Variants in TEX11 observed in about 807,000 individuals in gnomAD.
The protein encoded by TEX11 is testis expressed 11.
TEX11 carries 7 observed loss-of-function variants against 84.4 expected under a neutral mutation model. The ratio of observed to expected loss-of-function variants is 0.08; its 90% CI spans 0.05 to 0.16. The LOEUF (loss-of-function observed/expected upper bound fraction) is 0.16. Ranked by LOEUF, TEX11 falls within the 10% of genes least tolerant of loss-of-function variation. The pLI is 1.00. For synonymous variants in TEX11, 264 were observed against 222.8 expected (o/e 1.18, Z -1.64); for missense variants, 551 against 660.5 (o/e 0.83, Z 1.82).
intron 20 of TEX11, among the ~76,000 whole-genome samples, chrX:70,611,553 A>T (rs936370724): frequency 8.0e-5 from 9 of 111,933 alleles, no homozygotes; most frequent in African/African-American, 2.9e-4. Flanking sequence ...TGAATATTGG[A>T]GCAAAATCTC....
At chrX:70,898,726 C>T (rs1308252554) in intron 2 of TEX11, among the ~76,000 whole-genome samples, 1 of 109,744 alleles carries the variant, frequency 9.1e-6, no homozygotes, top group African/African-American at 3.3e-5. Context: ...CTGCCTCAGC[C>T]TCCCGAGTAG....
intron 2 of TEX11, among the ~76,000 whole-genome samples, chrX:70,896,000 G>A (rs758984502): frequency 5.4e-5 from 6 of 112,121 alleles, no homozygotes; most frequent in African/African-American, 1.6e-4. Context: ...GCAATGGCAA[G>A]AAAAGCCAAA....
At chrX:70,837,360 A>AC (rs1693562228) in intron 7 of TEX11, among the ~76,000 whole-genome samples, 1 of 111,030 alleles carries the variant, frequency 9.0e-6, no homozygotes, top group African/African-American at 3.3e-5. Context: ...GGAGTTTGAA[A>AC]CCAGCCTGGC....
At chrX:70,581,247 C>T (rs1478853694) in intron 25 of TEX11, among the ~76,000 whole-genome samples, 2 of 104,112 alleles carry the variant, frequency 1.9e-5, no homozygotes, top group Non-Finnish European at 3.9e-5. Flanking sequence ...CTCAAGCAAT[C>T]TCCCTACCTT....
intron 9 of TEX11, among the ~76,000 whole-genome samples, chrX:70,749,619 T>A (rs2090797659): frequency 1.0e-5 from 1 of 100,382 alleles, no homozygotes; most frequent in South Asian, 5.1e-4. Context: ...TTATTGAGAG[T>A]TTTTAGCATG....
At chrX:70,854,707 GC>G (rs2091525906) in intron 5 of TEX11, among the ~76,000 whole-genome samples, 1 of 107,094 alleles carries the variant, frequency 9.3e-6, no homozygotes, top group East Asian at 2.9e-4. Context: ...CTGCACTCCA[GC>G]CTGGGCAACA....
intron 8 of TEX11, among the ~76,000 whole-genome samples, chrX:70,832,324 G>A (rs1039625929): frequency 8.9e-6 from 1 of 112,099 alleles, no homozygotes; most frequent in African/African-American, 3.2e-5. Context: ...TGAAGACTAT[G>A]TATAATTCTA....
chrX:70,743,911 C>CACAG (rs1418039450), intron 10 of TEX11, among the ~76,000 whole-genome samples: 15 of 104,485 alleles, frequency 1.4e-4, no homozygotes, highest in Non-Finnish European at 2.9e-4. Context: ...CACACACACA[C>CACAG]ACAGAAAAGA....
In TEX11 at chrX:70,752,524, C is replaced by CAA. The variant is rs753939405; in HGVS notation, c.693-8307_693-8306dup. Among the ~76,000 whole-genome samples the CAA allele has an allele frequency of 3.7e-3, 104 of 27,995 alleles. 1 individual carries two copies. Among genetic ancestry groups the CAA allele is most frequent in the African/African-American group, 6.0e-3 (49 of 8,155 alleles). The allele number at this position is 27,995 out of a possible 115,157, so 24.3% of individuals were successfully genotyped here. Reference sequence around the variant, plus strand: ...TGGGTGACAGAGCGATACTCTGTCTCAAAAAAAAAAAAAAAAAAAAAGAAA... The same window carrying CAA: ...TGGGTGACAGAGCGATACTCTGTCTCAAAAAAAAAAAAAAAAAAAAAAAGAAA... On this transcript the variant is annotated intron_variant, in intron 9 of 29. Transcript: ENST00000374333.
At chrX:70,839,885 A>G (rs1266024954) in intron 7 of TEX11, among the ~76,000 whole-genome samples, 4 of 111,794 alleles carry the variant, frequency 3.6e-5, no homozygotes, top group Admixed American at 2.9e-4. Context: ...AAGAAAGGGT[A>G]TCAGTGATGG....
At position 70,599,726 on chromosome X, in the gene TEX11, G is replaced by T. The variant is rs780488774; in HGVS notation, c.2067+5675C>A. ...GATGTTCCCCTTCCTGTGTCCATGTGATCTCATTGTTCAATACCCACCTAT... is the reference window on the plus strand; with the variant it reads ...GATGTTCCCCTTCCTGTGTCCATGTTATCTCATTGTTCAATACCCACCTAT... On this transcript the variant is annotated intron_variant, in intron 24 of 29. Transcript: ENST00000374333. Among the ~76,000 whole-genome samples the T allele has an allele frequency of 3.2e-5, 3 of 93,005 alleles. No homozygotes were observed. The South Asian group carries it at 1.7e-3, about 53-fold the overall frequency. The allele number at this position is 93,005 out of a possible 115,157, so 80.8% of individuals were successfully genotyped here. A position where few individuals can be genotyped will look rare whatever the true frequency, so the allele number is the denominator to read the frequency against.
intron 11 of TEX11, among the ~76,000 whole-genome samples, chrX:70,739,458 C>A (rs2090719672): frequency 9.9e-6 from 1 of 101,258 alleles, no homozygotes; most frequent in Non-Finnish European, 2.0e-5. Context: ...TGTCACCAGG[C>A]TGGAATGCAG....
rs2147723150 is a variant in TEX11, at chrX:70,725,252, G to A, written c.925+10C>T. ...CAAAATGGTGTGCTCTTCACATACA[G>A]AGATCATACCTTCAAGGAGTTCTTC... On this transcript the variant is annotated intron_variant, in intron 12 of 29. Coordinates refer to ENST00000374333, the MANE Select transcript of TEX11 (RefSeq NM_031276.3). The A allele has an allele frequency of 8.7e-7, 1 of 1,154,946 alleles. No individual in the cohort carries two copies.
At chrX:70,678,517 CT>C (rs2090095011) in intron 15 of TEX11, among the ~76,000 whole-genome samples, 1 of 109,546 alleles carries the variant, frequency 9.1e-6, no homozygotes, top group Non-Finnish European at 1.9e-5. Context: ...GAATAAAACT[CT>C]TTCTCAGCCC....
chrX:70,858,479 C>T (rs2091550078), intron 5 of TEX11, among the ~76,000 whole-genome samples: 1 of 106,673 alleles, frequency 9.4e-6, no homozygotes, highest in Admixed American at 1.0e-4. Context: ...ACTTACATAA[C>T]CAAATACTAC....
At chrX:70,826,193 C>T (rs1349406059) in intron 8 of TEX11, among the ~76,000 whole-genome samples, 2 of 109,605 alleles carry the variant, frequency 1.8e-5, no homozygotes, top group African/African-American at 6.6e-5. Context: ...TGCCTGTAAT[C>T]CCAGCTACTT....
intron 8 of TEX11, among the ~76,000 whole-genome samples, chrX:70,817,248 T>TACACACAC (rs1231830224): frequency 1.1e-5 from 1 of 93,111 alleles, no homozygotes; most frequent in East Asian, 3.2e-4. Flanking sequence ...CACACACATA[T>TACACACAC]ATATATACAC....
chrX:70,564,847 T>C (rs113660922), intron 25 of TEX11, among the ~76,000 whole-genome samples: 2,274 of 110,753 alleles, frequency 0.021, 27 homozygotes, highest in Non-Finnish European at 0.031. Context: ...CTATTGTGAA[T>C]AGTGCCACAA....
chrX:70,837,663 A>T (rs2147836817), intron 7 of TEX11, among the ~76,000 whole-genome samples: 1 of 112,112 alleles, frequency 8.9e-6, no homozygotes, highest in Non-Finnish European at 1.9e-5. Flanking sequence ...AACCAATATG[A>T]AATGGTTACA....
Sources: allele counts gnomAD v4.1 joint callset (sites outside exome capture counted in the v4.1 genomes callset), GRCh38; gene constraint gnomAD v4.1.1; transcripts MANE v1.5; gene names NCBI Gene and HGNC (gene_info 2026-07-23, HGNC 2026-07-21).